The following CDYL2 variants were observed in gnomAD, a reference collection of about 807,000 sequenced individuals.
CDYL2 encodes chromodomain Y-like protein 2.
In CDYL2, 23 loss-of-function variants were observed where a neutral mutation model predicts 49.4. That is an observed-to-expected ratio of 0.47 (90% CI 0.34 to 0.66). The LOEUF (loss-of-function observed/expected upper bound fraction) is 0.66. Among genes scored for constraint, CDYL2 ranks in the 30% least tolerant of loss-of-function variants. The probability of loss-of-function intolerance (pLI) is 0.01; values close to 1 mark genes in which losing one functional copy is unlikely to be tolerated. For missense variants in CDYL2, 678 were observed against 656.4 expected, an observed-to-expected ratio of 1.03 and a Z score of -0.36; for synonymous variants, 360 against 268.8, an observed-to-expected ratio of 1.34 and a Z score of -3.32.
At chr16:80,671,778 C>A (rs76400899) in intron 2 of CDYL2, among the ~76,000 whole-genome samples, 77 of 152,286 alleles carry the variant, frequency 5.1e-4, no homozygotes, top group African/African-American at 1.7e-3. Flanking sequence ...AATTATGCCT[C>A]ACTGGTTATT....
At chr16:80,784,081 AAATATAT>A (rs1327564723) in intron 1 of CDYL2, among the ~76,000 whole-genome samples, 1 of 152,254 alleles carries the variant, frequency 6.6e-6, no homozygotes, top group Non-Finnish European at 1.5e-5. Context: ...AAAAAGTAGT[AAATATAT>A]ATAAGTACTT....
intron 1 of CDYL2, among the ~76,000 whole-genome samples, chr16:80,801,902 T>C (rs1429250419): frequency 6.6e-6 from 1 of 152,220 alleles, no homozygotes; most frequent in Non-Finnish European, 1.5e-5. Flanking sequence ...GCTATAAAAA[T>C]GTTGACATTC....
chr16:80,719,386 G>A (rs974801458), intron 1 of CDYL2, among the ~76,000 whole-genome samples: 1 of 152,198 alleles, frequency 6.6e-6, no homozygotes, highest in African/African-American at 2.4e-5. Flanking sequence ...ACAAGTTGCT[G>A]TATTAAGTGA....
At chr16:80,691,114 A>G (rs1910398010) in intron 1 of CDYL2, among the ~76,000 whole-genome samples, 1 of 152,130 alleles carries the variant, frequency 6.6e-6, no homozygotes, top group East Asian at 1.9e-4. Flanking sequence ...GCCCATCCAT[A>G]TACCAGAGCA....
chr16:80,710,908 G>T (rs1239729351), intron 1 of CDYL2, among the ~76,000 whole-genome samples: 1 of 152,196 alleles, frequency 6.6e-6, no homozygotes, highest in East Asian at 1.9e-4. Flanking sequence ...AGATGTGAAG[G>T]AAGTAATTTG....
intron 1 of CDYL2, among the ~76,000 whole-genome samples, chr16:80,685,475 CA>C (rs1910153833): frequency 6.6e-6 from 1 of 152,178 alleles, no homozygotes; most frequent in Non-Finnish European, 1.5e-5. Flanking sequence ...TTCATTGCAC[CA>C]AAGTAGATGC....
chr16:80,723,676 T>C (rs1010248726), intron 1 of CDYL2, among the ~76,000 whole-genome samples: 1 of 152,230 alleles, frequency 6.6e-6, no homozygotes, highest in African/African-American at 2.4e-5. Context: ...AATAAAGTTT[T>C]ATTGATAACA....
intron 1 of CDYL2, among the ~76,000 whole-genome samples, chr16:80,715,739 G>A (rs966466733): frequency 6.6e-6 from 1 of 152,086 alleles, no homozygotes; most frequent in Admixed American, 6.6e-5. Flanking sequence ...GCACAGTTTG[G>A]TATCTACCTG....
chr16:80,631,660 C>T (rs952678109), intron 3 of CDYL2, among the ~76,000 whole-genome samples: 3 of 152,088 alleles, frequency 2.0e-5, no homozygotes, highest in Admixed American at 1.3e-4. Context: ...TCTGATAAGG[C>T]CTTACTATCT....
chr16:80,731,676 G>C (rs1905330844), intron 1 of CDYL2, among the ~76,000 whole-genome samples: 1 of 152,178 alleles, frequency 6.6e-6, no homozygotes, highest in Admixed American at 6.5e-5. Flanking sequence ...AACACTGGAA[G>C]CAATCTTTCA....
chr16:80,614,994 G>A (rs942183842), intron 4 of CDYL2, among the ~76,000 whole-genome samples: 7 of 152,054 alleles, frequency 4.6e-5, no homozygotes, highest in Admixed American at 1.3e-4. Flanking sequence ...ATTCAACTGC[G>A]AGAAGTCTAC....
At chr16:80,687,960 A>G (rs1014826440) in intron 1 of CDYL2, among the ~76,000 whole-genome samples, 1 of 152,192 alleles carries the variant, frequency 6.6e-6, no homozygotes, top group Admixed American at 6.5e-5. Flanking sequence ...ATGACCCCTT[A>G]AAACAGTCAA....
At chr16:80,680,930 C>T (rs1384210154) in intron 2 of CDYL2, among the ~76,000 whole-genome samples, 1 of 152,022 alleles carries the variant, frequency 6.6e-6, no homozygotes, top group East Asian at 1.9e-4. Context: ...GCAGATGGGC[C>T]CCGGACCACA....
intron 2 of CDYL2, among the ~76,000 whole-genome samples, chr16:80,677,960 A>G (rs1284382497): frequency 2.0e-5 from 3 of 151,884 alleles, no homozygotes; most frequent in African/African-American, 7.2e-5. Context: ...AACGTTGCAT[A>G]TCTACAACTA....
At chr16:80,687,646 T>C (rs1156689551) in intron 1 of CDYL2, among the ~76,000 whole-genome samples, 1 of 152,046 alleles carries the variant, frequency 6.6e-6, no homozygotes, top group Admixed American at 6.6e-5. Context: ...GATGGATAGA[T>C]TAATAGATGA....
At chr16:80,700,080 C>T (rs1486564473) in intron 1 of CDYL2, among the ~76,000 whole-genome samples, 3 of 152,096 alleles carry the variant, frequency 2.0e-5, no homozygotes, top group Admixed American at 1.3e-4. Context: ...AGGATGGTCT[C>T]GATCTCCTGA....
intron 1 of CDYL2, among the ~76,000 whole-genome samples, chr16:80,707,436 A>C (rs1007850918): frequency 6.6e-6 from 1 of 152,178 alleles, no homozygotes; most frequent in African/African-American, 2.4e-5. Context: ...ACTCCAGCCT[A>C]GGCGACAGAG....
At chr16:80,675,235 A>G (rs1258509714) in intron 2 of CDYL2, among the ~76,000 whole-genome samples, 3 of 152,164 alleles carry the variant, frequency 2.0e-5, no homozygotes, top group Non-Finnish European at 4.4e-5. Context: ...CAGACCCCCA[A>G]CAGCTTCAGC....
At chr16:80,622,615 G>A (rs1202515591) in intron 3 of CDYL2, among the ~76,000 whole-genome samples, 3 of 152,126 alleles carry the variant, frequency 2.0e-5, no homozygotes, top group Non-Finnish European at 4.4e-5. Flanking sequence ...TGGACACTCA[G>A]TATCTGCTTG....
Sources: allele counts gnomAD v4.1 joint callset (sites outside exome capture counted in the v4.1 genomes callset), GRCh38; gene constraint gnomAD v4.1.1; transcripts MANE v1.5; gene names NCBI Gene and HGNC (gene_info 2026-07-23, HGNC 2026-07-21).